The following PPP1R12B variants were observed in gnomAD, a reference collection of about 807,000 sequenced individuals.
PPP1R12B encodes myosin phosphatase target subunit 2.
In PPP1R12B, 76 loss-of-function variants were observed where a neutral mutation model predicts 126.1. The ratio of observed to expected loss-of-function variants is 0.60; its 90% confidence interval spans 0.50 to 0.73. The LOEUF (loss-of-function observed/expected upper bound fraction) is 0.73. Ranked by LOEUF, PPP1R12B falls within the 30% of genes least tolerant of loss-of-function variation. The pLI, the probability that PPP1R12B is intolerant of heterozygous loss-of-function variation, is 0.00. For synonymous variants in PPP1R12B, 356 were observed against 434.7 expected, an observed-to-expected ratio of 0.82 and a Z score of 2.25; for missense variants, 1,052 against 1,205.1, an observed-to-expected ratio of 0.87 and a Z score of 1.88.
At chr1:202,390,993 G>A (rs942521997) in intron 1 of PPP1R12B, among the ~76,000 whole-genome samples, 6 of 152,154 alleles carry the variant, frequency 3.9e-5, no homozygotes, top group Admixed American at 1.3e-4. Context: ...GGACCTGGAA[G>A]CATCGCTTGC....
intron 13 of PPP1R12B, among the ~76,000 whole-genome samples, chr1:202,453,536 G>A (rs2148731689): frequency 6.6e-6 from 1 of 152,002 alleles, no homozygotes; most frequent in South Asian, 2.1e-4. Context: ...TTCTTTAGGT[G>A]TTTGGTAAAA....
At chr1:202,485,252 G>A (rs185096380) in intron 13 of PPP1R12B, among the ~76,000 whole-genome samples, 35 of 152,268 alleles carry the variant, frequency 2.3e-4, no homozygotes, top group Non-Finnish European at 2.9e-4. Context: ...AGGCAGCTAG[G>A]ATTGTAGTGC....
At position 202,565,546 on chromosome 1, in the gene PPP1R12B, G is replaced by T. The variant is rs1249862424; in HGVS notation, c.2757+999G>T. Among the ~76,000 whole-genome samples, 1 of 152,136 alleles carries T rather than the reference G, an allele frequency of 6.6e-6. No individual in the cohort carries two copies. The highest frequency in any genetic ancestry group is 2.4e-5 in the African/African-American group (1 of 41,404). ...AACCCCTCTGGAATTGCATGAGCAG[G>T]AGGGTGCCAACACTTGGAAGACAGC... is the stretch of plus-strand genomic sequence containing the variant. On this transcript the variant is annotated intron_variant, in intron 21 of 23. Transcript: ENST00000608999. The surrounding 1 kb of genome is among the most constrained non-coding windows in gnomAD (Gnocchi z 4.3).
At chr1:202,525,525 G>A (rs1365920306) in intron 18 of PPP1R12B, among the ~76,000 whole-genome samples, 1 of 151,888 alleles carries the variant, frequency 6.6e-6, no homozygotes. Context: ...TGTTCGAATA[G>A]TGGGACAGAA....
intron 23 of PPP1R12B, among the ~76,000 whole-genome samples, chr1:202,571,086 C>T (rs371158057): frequency 6.6e-6 from 1 of 152,218 alleles, no homozygotes; most frequent in East Asian, 1.9e-4. Context: ...CAGGCCCACA[C>T]ACAAAAACCC....
intron 12 of PPP1R12B, chr1:202,444,934 C>G: frequency 1.1e-6 from 1 of 925,466 alleles, no homozygotes; most frequent in Non-Finnish European, 1.4e-6. Flanking sequence ...TTGTCATACC[C>G]TTTCTTTGGT....
At chr1:202,379,304 A>C (rs1661820256) in intron 1 of PPP1R12B, among the ~76,000 whole-genome samples, 1 of 152,250 alleles carries the variant, frequency 6.6e-6, no homozygotes, top group Non-Finnish European at 1.5e-5. Context: ...CTGCATGAGA[A>C]TCACCTGGGG....
At position 202,591,079 on chromosome 1, in the gene PPP1R12B, G is replaced by C. The variant is rs1191243541; in HGVS notation, c.*10519G>C. 6.6e-6 allele frequency: 1 copy of C among 152,306 alleles called. No individual in the cohort carries two copies. Among genetic ancestry groups the C allele is most frequent in the Non-Finnish European group, 1.5e-5 (1 of 68,116 alleles). 9.4% of individuals were successfully genotyped at this position (152,306 alleles called of 1,614,324 possible). ...GTGGAGAGTGGGAGGGCCCCAGAGA[G>C]AGCTGGAGGAAGCAAGACATGTCTT... On this transcript the variant is annotated 3_prime_UTR_variant, in exon 24 of 24. Transcript: ENST00000608999.
intron 13 of PPP1R12B, among the ~76,000 whole-genome samples, chr1:202,464,676 T>C: frequency 6.6e-6 from 1 of 152,188 alleles, no homozygotes; most frequent in Middle Eastern, 3.2e-3. Flanking sequence ...TCTTGTTCAG[T>C]TTCTTACTCA....
chr1:202,433,774 C>A (rs1670473526), intron 8 of PPP1R12B, among the ~76,000 whole-genome samples: 1 of 152,144 alleles, frequency 6.6e-6, no homozygotes, highest in Non-Finnish European at 1.5e-5. Context: ...AGGAAATGGG[C>A]CACCTCACTG....
chr1:202,509,385 C>G lies in PPP1R12B; in HGVS notation c.2490+12563C>G, dbSNP rs114726454. 6.5e-3 allele frequency among the ~76,000 whole-genome samples: 987 copies of G among 152,250 alleles called. 9 individuals are homozygous for G. Among genetic ancestry groups the G allele is most frequent in the African/African-American group, 0.021 (893 of 41,538 alleles). On this transcript the variant is annotated intron_variant, in intron 18 of 23. Coordinates refer to ENST00000608999, the MANE Select transcript of PPP1R12B (RefSeq NM_002481.4). ...GCTTCCATGTCATTTTAAATATAGT[C>G]TCTCTGTTATGTTTTAGTTCATTAC...
chr1:202,360,990 A>G (rs182512659), intron 1 of PPP1R12B, among the ~76,000 whole-genome samples: 1 of 150,202 alleles, frequency 6.7e-6, no homozygotes, highest in East Asian at 2.0e-4. Context: ...TTCTGGGTTC[A>G]TGCCATTCTC....
In PPP1R12B at chr1:202,382,112, T is replaced by C. The variant is rs1662380851; in HGVS notation, c.291+32970T>C. ...GCAGCCATAAAAAATGATGAGTTCA[T>C]GTCCTTTGTAGGGACATGGATGAAG... is the stretch of plus-strand genomic sequence containing the variant. On this transcript the variant is annotated intron_variant, in intron 1 of 23. Transcript: ENST00000608999. Among the ~76,000 whole-genome samples, 4 of 152,182 alleles carry C rather than the reference T, an allele frequency of 2.6e-5. No individual in the cohort carries two copies. The South Asian group carries it at 8.3e-4, about 32-fold the overall frequency.
intron 18 of PPP1R12B, among the ~76,000 whole-genome samples, chr1:202,526,599 G>A (rs1004947517): frequency 2.0e-5 from 3 of 152,130 alleles, no homozygotes; most frequent in Non-Finnish European, 4.4e-5. Flanking sequence ...ATCATGGAAT[G>A]TAAGCTCGAT....
chr1:202,488,000 GTTTAA>G (rs1421350711), intron 13 of PPP1R12B, among the ~76,000 whole-genome samples: 3 of 152,134 alleles, frequency 2.0e-5, no homozygotes, highest in African/African-American at 4.8e-5. Context: ...CTACACTGAA[GTTTAA>G]TTTATAATTA....
Position 202,462,979 on chromosome 1 carries a change from C to T in PPP1R12B, c.1850+13808C>T, listed in dbSNP as rs561797994. ...GGCACAGGAAGTTGATCTGGGTGTT[C>T]TGGGGAATTGAGACAAGCCTCTGCC... On this transcript the variant is annotated intron_variant, in intron 13 of 23. Transcript: ENST00000608999. 2.5e-5 allele frequency: 25 copies of T among 985,144 alleles called. No individual in the cohort carries two copies. The African/African-American group carries it at 4.4e-4, about 17-fold the overall frequency. 61.0% of individuals were successfully genotyped at this position (985,144 alleles called of 1,614,324 possible). A position where few individuals can be genotyped will look rare whatever the true frequency, so the allele number is the denominator to read the frequency against.
chr1:202,580,038 C>A (rs1689447875), intron 23 of PPP1R12B, among the ~76,000 whole-genome samples: 1 of 152,164 alleles, frequency 6.6e-6, no homozygotes. Flanking sequence ...CAGTATCCTC[C>A]TTTAACTCTT....
At position 202,434,536 on chromosome 1, in the gene PPP1R12B, C is replaced by T. The variant is rs1571998813; in HGVS notation, c.1142-120C>T. The T allele has an allele frequency of 3.1e-6, 4 of 1,279,682 alleles. No individual in the cohort carries two copies. In the East Asian group the frequency reaches 1.1e-4, roughly 34 times the overall value. The allele number at this position is 1,279,682 out of a possible 1,614,324, so 79.3% of individuals were successfully genotyped here. On this transcript the variant is annotated intron_variant, in intron 8 of 23. Transcript: ENST00000608999. ...GTTGTTAGTTTATATCCAAGCATTA[C>T]AGGGCCTTAATAATCTGTTTTGATA...
chr1:202,391,446 G>A (rs551749236), intron 1 of PPP1R12B, among the ~76,000 whole-genome samples: 288 of 152,206 alleles, frequency 1.9e-3, no homozygotes, highest in African/African-American at 6.7e-3. Context: ...GTAAGATGGG[G>A]CAGCCGCTGA....
Sources: allele counts gnomAD v4.1 joint callset (sites outside exome capture counted in the v4.1 genomes callset), GRCh38; gene constraint gnomAD v4.1.1; non-coding constraint Gnocchi (gnomAD v3.1); transcripts MANE v1.5; gene names NCBI Gene and HGNC (gene_info 2026-07-23, HGNC 2026-07-21).